SMOC1: variants seen among roughly 807,000 people sequenced by gnomAD.
The protein encoded by SMOC1 is SPARC related modular calcium binding 1, also known as SPARC-related modular calcium-binding protein 1.
A neutral mutation model predicts 56.3 loss-of-function variants in SMOC1; 22 were observed. That is an observed-to-expected ratio of 0.39 (90% CI 0.28 to 0.56). The LOEUF (loss-of-function observed/expected upper bound fraction) is 0.56. Among genes scored for constraint, SMOC1 ranks in the 20% least tolerant of loss-of-function variants. The probability of loss-of-function intolerance (pLI) is 0.61; values close to 1 mark genes in which losing one functional copy is unlikely to be tolerated. For synonymous variants in SMOC1, 193 were observed against 215.0 expected (o/e 0.90, Z 0.89); for missense variants, 509 against 565.4 (o/e 0.90, Z 1.01).
chr14:69,926,836 C>T (rs541613298), intron 1 of SMOC1, among the ~76,000 whole-genome samples: 1 of 152,324 alleles, frequency 6.6e-6, no homozygotes, highest in South Asian at 2.1e-4. Context: ...CATGTTTTAG[C>T]ACTTCTTTAC....
At chr14:69,988,638 A>G (rs1884452605) in intron 5 of SMOC1, among the ~76,000 whole-genome samples, 1 of 152,202 alleles carries the variant, frequency 6.6e-6, no homozygotes, top group African/African-American at 2.4e-5. Flanking sequence ...ATAGTGTTGT[A>G]CAATTGTCAC....
At chr14:69,900,733 T>C (rs184887694) in intron 1 of SMOC1, among the ~76,000 whole-genome samples, 3 of 152,330 alleles carry the variant, frequency 2.0e-5, no homozygotes, top group Admixed American at 2.0e-4. Flanking sequence ...CCAAAGGCTC[T>C]CCTGTTGTGT....
At chr14:69,925,332 CT>C (rs1884982274) in intron 1 of SMOC1, among the ~76,000 whole-genome samples, 1 of 151,736 alleles carries the variant, frequency 6.6e-6, no homozygotes, top group South Asian at 2.1e-4. Flanking sequence ...GTGTGTCCAT[CT>C]TTTTTCCTTT....
chr14:69,990,232 G>A (rs1884512995), intron 5 of SMOC1, among the ~76,000 whole-genome samples: 1 of 152,198 alleles, frequency 6.6e-6, no homozygotes, highest in Admixed American at 6.5e-5. Flanking sequence ...GGCCCGATGG[G>A]CAGTCCAAGA....
chr14:69,984,757 C>T (rs943544133), intron 5 of SMOC1, among the ~76,000 whole-genome samples: 13 of 150,580 alleles, frequency 8.6e-5, no homozygotes, highest in South Asian at 2.1e-4. Flanking sequence ...CAGGAGGCCG[C>T]GAGGCAGGAG....
At chr14:69,913,453 G>GAC (rs970881860) in intron 1 of SMOC1, among the ~76,000 whole-genome samples, 1 of 145,902 alleles carries the variant, frequency 6.9e-6, no homozygotes. Context: ...ACAATGAATT[G>GAC]GCGTGTGTGT....
At chr14:69,972,056 T>C (rs1883780696) in intron 3 of SMOC1, among the ~76,000 whole-genome samples, 1 of 152,186 alleles carries the variant, frequency 6.6e-6, no homozygotes, top group Non-Finnish European at 1.5e-5. Flanking sequence ...CATTATCAAA[T>C]TGAATTCTCT....
rs8008275 is a variant in SMOC1 at position 70,020,562 on chromosome 14, C to T, written c.1047-2641C>T. Reference sequence around the variant, plus strand: ...TGAGTCATGCCAGTGTTAGAGGGAGCCCAGAGGCACTACCTGGAGGGGCTC... The same window carrying T: ...TGAGTCATGCCAGTGTTAGAGGGAGTCCAGAGGCACTACCTGGAGGGGCTC... On this transcript the variant is annotated intron_variant, in intron 10 of 11. Transcript: ENST00000361956. Among the ~76,000 whole-genome samples the T allele has an allele frequency of 7.7e-3, 1,167 of 152,186 alleles. 18 individuals are homozygous for T. Among genetic ancestry groups the T allele is most frequent in the African/African-American group, 0.026 (1,099 of 41,508 alleles).
chr14:69,951,751 G>C (rs1883001306), intron 1 of SMOC1, among the ~76,000 whole-genome samples: 1 of 152,192 alleles, frequency 6.6e-6, no homozygotes, highest in South Asian at 2.1e-4. Context: ...TTTTACTTCT[G>C]ACAGATTTAG....
intron 3 of SMOC1, among the ~76,000 whole-genome samples, chr14:69,964,958 A>G (rs891151206): frequency 6.6e-6 from 1 of 152,142 alleles, no homozygotes; most frequent in Non-Finnish European, 1.5e-5. Context: ...AGACATTGCC[A>G]TCTTTTAAAG....
intron 5 of SMOC1, among the ~76,000 whole-genome samples, chr14:69,986,454 C>T (rs1348659897): frequency 1.3e-5 from 2 of 152,022 alleles, no homozygotes; most frequent in Non-Finnish European, 1.5e-5. Flanking sequence ...ATCAGTGTCC[C>T]GATTTTGATT....
chr14:69,974,166 C>T (rs1883874946), intron 3 of SMOC1, among the ~76,000 whole-genome samples: 1 of 151,994 alleles, frequency 6.6e-6, no homozygotes, highest in African/African-American at 2.4e-5. Context: ...GCATGCAGTC[C>T]CTGAGGTCAC....
intron 11 of SMOC1, among the ~76,000 whole-genome samples, chr14:70,027,290 C>T (rs1432513880): frequency 6.6e-6 from 1 of 152,196 alleles, no homozygotes; most frequent in Non-Finnish European, 1.5e-5. Context: ...ACTGCTGTCC[C>T]CTCCAGGAGA....
chr14:69,887,026 A>T (rs564412709), intron 1 of SMOC1, among the ~76,000 whole-genome samples: 9 of 152,286 alleles, frequency 5.9e-5, no homozygotes, highest in Admixed American at 4.6e-4. Flanking sequence ...GGAGAAACTC[A>T]TGTCCTGTGC....
intron 1 of SMOC1, among the ~76,000 whole-genome samples, chr14:69,897,745 C>T (rs1294781093): frequency 6.6e-6 from 1 of 152,042 alleles, no homozygotes. Context: ...ATTTATTTAA[C>T]TTATATGTAA....
At chr14:69,951,993 G>C (rs1005401478) in intron 1 of SMOC1, 145 bp from the exon 2 acceptor site, 6 of 865,786 alleles carry the variant, frequency 6.9e-6, no homozygotes, top group East Asian at 2.7e-5. Context: ...CTTTGTGGCT[G>C]CTCCGTTCCC....
intron 1 of SMOC1, among the ~76,000 whole-genome samples, chr14:69,905,771 A>G (rs914229608): frequency 6.6e-6 from 1 of 152,224 alleles, no homozygotes; most frequent in Non-Finnish European, 1.5e-5. Flanking sequence ...AAAGATGCCT[A>G]CTTGTTTTCT....
chr14:69,984,425 G>A (rs760680061), intron 5 of SMOC1, among the ~76,000 whole-genome samples: 3 of 152,160 alleles, frequency 2.0e-5, no homozygotes, highest in African/African-American at 4.8e-5. Flanking sequence ...AAAAAGTGCT[G>A]TTAGAGAATT....
At chr14:70,010,236 T>C (rs536841018) in intron 7 of SMOC1, among the ~76,000 whole-genome samples, 1 of 152,274 alleles carries the variant, frequency 6.6e-6, no homozygotes, top group East Asian at 1.9e-4. Context: ...TTGTTTCTGC[T>C]CCTCCTGGGT....
Sources: allele counts gnomAD v4.1 joint callset (sites outside exome capture counted in the v4.1 genomes callset), GRCh38; gene constraint gnomAD v4.1.1; transcripts MANE v1.5; gene names NCBI Gene and HGNC (gene_info 2026-07-23, HGNC 2026-07-21).